Variants in NETO1 observed in about 807,000 individuals in gnomAD.
NETO1 encodes the protein neuropilin and tolloid-like protein 1.
A neutral mutation model predicts 61.3 loss-of-function variants in NETO1; 26 were observed. The observed-to-expected ratio is 0.42, with a 90% CI of 0.31 to 0.59. The LOEUF (loss-of-function observed/expected upper bound fraction) is 0.59, where lower values mean the gene tolerates loss of function less well. Among genes scored for constraint, NETO1 ranks in the 20% least tolerant of loss-of-function variants. The pLI, the probability that NETO1 is intolerant of heterozygous loss-of-function variation, is 0.12. For missense variants in NETO1, 531 were observed against 662.8 expected (o/e 0.80, Z 2.18); for synonymous variants, 225 against 225.8 (o/e 1.00, Z 0.03).
At chr18:72,785,597 G>C (rs1217557582) in intron 6 of NETO1, among the ~76,000 whole-genome samples, 4 of 152,118 alleles carry the variant, frequency 2.6e-5, no homozygotes, top group Admixed American at 2.6e-4. Flanking sequence ...GTGCAGGTTT[G>C]TTACATATGT....
chr18:72,777,611 C>T (rs1444394004), intron 7 of NETO1, among the ~76,000 whole-genome samples: 2 of 150,466 alleles, frequency 1.3e-5, no homozygotes, highest in Non-Finnish European at 1.5e-5. Context: ...GGCGTGGTGG[C>T]GGGTGCCTGT....
chr18:72,772,190 G>A (rs1353198765), intron 7 of NETO1, among the ~76,000 whole-genome samples: 12 of 149,154 alleles, frequency 8.0e-5, no homozygotes, highest in African/African-American at 2.9e-4. Flanking sequence ...GCTTCTTTAT[G>A]GCCAGGTGGA....
chr18:72,865,570 T>A (rs1281098871), intron 1 of NETO1: 1 of 1,607,222 alleles, frequency 6.2e-7, no homozygotes, highest in Admixed American at 1.7e-5. Flanking sequence ...GTATCTAAAC[T>A]ACCCTTAGGG....
At chr18:72,748,212 T>C (rs1163649549) in intron 10 of NETO1, 48 bp from the exon 11 acceptor site, 3 of 981,624 alleles carry the variant, frequency 3.1e-6, no homozygotes, top group Non-Finnish European at 3.6e-6. Flanking sequence ...GAAAAATGCA[T>C]ACAAATACAC....
chr18:72,777,784 G>C (rs2071607235), intron 7 of NETO1, among the ~76,000 whole-genome samples: 1 of 152,078 alleles, frequency 6.6e-6, no homozygotes, highest in South Asian at 2.1e-4. Flanking sequence ...TTATCTTCGT[G>C]TTCTATCCTT....
At chr18:72,827,803 C>G (rs1241251423) in intron 4 of NETO1, among the ~76,000 whole-genome samples, 7 of 151,854 alleles carry the variant, frequency 4.6e-5, no homozygotes, top group Non-Finnish European at 1.0e-4. Context: ...GGGACAGTTG[C>G]TCTGACTTAC....
chr18:72,824,590 C>A (rs1336914603), intron 4 of NETO1, among the ~76,000 whole-genome samples: 1 of 152,054 alleles, frequency 6.6e-6, no homozygotes, highest in African/African-American at 2.4e-5. Context: ...TGGTGCCGGG[C>A]GTGGTGGCTC....
chr18:72,862,162 G>C (rs113368725), intron 3 of NETO1, among the ~76,000 whole-genome samples: 1 of 152,100 alleles, frequency 6.6e-6, no homozygotes, highest in East Asian at 1.9e-4. Flanking sequence ...AGACACCGGG[G>C]TGCCACGGGC....
intron 7 of NETO1, among the ~76,000 whole-genome samples, chr18:72,760,064 G>A (rs2070921559): frequency 6.6e-6 from 1 of 152,170 alleles, no homozygotes; most frequent in South Asian, 2.1e-4. Context: ...ACTTGAAATT[G>A]TATTTAGACA....
chr18:72,842,568 A>G (rs1302415737), intron 4 of NETO1, among the ~76,000 whole-genome samples: 1 of 152,156 alleles, frequency 6.6e-6, no homozygotes, highest in Non-Finnish European at 1.5e-5. Context: ...AGCATAAAGC[A>G]AAGATAAATT....
intron 7 of NETO1, among the ~76,000 whole-genome samples, chr18:72,758,600 T>C (rs141782466): frequency 1.1e-3 from 161 of 152,130 alleles, no homozygotes; most frequent in African/African-American, 3.6e-3. Context: ...ACTTAGTGAC[T>C]CTGAGGTGGG....
In NETO1 at chr18:72,748,036, A is replaced by G. The variant is rs1360967680; in HGVS notation, c.*143T>C. 5.8e-6 allele frequency: 4 copies of G among 685,456 alleles called. No homozygotes were observed. Among genetic ancestry groups the G allele is most frequent in the Admixed American group, 6.3e-5 (1 of 15,820 alleles). 42.5% of individuals were successfully genotyped at this position (685,456 alleles called of 1,614,324 possible). A position where few individuals can be genotyped will look rare whatever the true frequency, so the allele number is the denominator to read the frequency against. ...GCAGCGGGGATGTCTTGCCGAAGGA[A>G]TAACAAATGTCTGTAATTCTTAAGT... On this transcript the variant is annotated 3_prime_UTR_variant, in exon 11 of 11. Coordinates refer to ENST00000327305, the MANE Select transcript of NETO1 (RefSeq NM_138966.5).
At chr18:72,787,097 C>G (rs539815336) in intron 6 of NETO1, among the ~76,000 whole-genome samples, 5 of 147,686 alleles carry the variant, frequency 3.4e-5, no homozygotes, top group Admixed American at 3.3e-4. Context: ...ACTTTTTTGA[C>G]TAAAAGTAAA....
intron 7 of NETO1, among the ~76,000 whole-genome samples, chr18:72,764,737 C>T (rs6566653): frequency 6.6e-6 from 1 of 151,924 alleles, no homozygotes; most frequent in Non-Finnish European, 1.5e-5. Flanking sequence ...ATGATTATCA[C>T]CCTCTTCCTC....
At position 72,789,210 on chromosome 18, in the gene NETO1, GCACACACA is replaced by G. The variant is rs71166426; in HGVS notation, c.639+4899_639+4906del. ...TGCTTTATAAAATATTAACACACAA[GCACACACA>G]CACACACACACACACACACACACAC... On this transcript the variant is annotated intron_variant, in intron 6 of 10. Coordinates refer to ENST00000327305, the MANE Select transcript of NETO1 (RefSeq NM_138966.5). 5.9e-3 allele frequency among the ~76,000 whole-genome samples: 836 copies of G among 141,554 alleles called. 6 individuals carry two copies. The highest frequency in any genetic ancestry group is 0.017 in the African/African-American group (670 of 38,398). 92.9% of individuals were successfully genotyped at this position (141,554 alleles called of 152,430 possible).
At chr18:72,847,139 G>T (rs572272840) in intron 4 of NETO1, among the ~76,000 whole-genome samples, 44 of 152,340 alleles carry the variant, frequency 2.9e-4, no homozygotes, top group Non-Finnish European at 5.4e-4. Flanking sequence ...CTGATTTGGG[G>T]TATGATGAAT....
At chr18:72,807,757 C>CCCT (rs143437135) in intron 4 of NETO1, among the ~76,000 whole-genome samples, 14,630 of 150,870 alleles carry the variant, frequency 0.097, 909 homozygotes, top group Middle Eastern at 0.2. Flanking sequence ...CACACACACC[C>CCCT]ATACTGTCCA....
intron 4 of NETO1, among the ~76,000 whole-genome samples, chr18:72,856,753 T>C (rs1411685670): frequency 6.6e-6 from 1 of 152,188 alleles, no homozygotes; most frequent in Non-Finnish European, 1.5e-5. Flanking sequence ...CGGAATTTCA[T>C]CTCCAATGTG....
chr18:72,819,113 C>T (rs1018546808), intron 4 of NETO1, among the ~76,000 whole-genome samples: 20 of 152,044 alleles, frequency 1.3e-4, no homozygotes, highest in African/African-American at 4.3e-4. Context: ...TTTATCCCTC[C>T]TCCCTTCCCA....
Sources: gnomAD v4.1 joint callset for allele counts (sites outside exome capture counted in the v4.1 genomes callset) on GRCh38, gnomAD v4.1.1 for gene constraint, MANE v1.5 for transcripts, NCBI Gene and HGNC (gene_info 2026-07-23, HGNC 2026-07-21) for gene names.